CDH10: variants seen among roughly 807,000 people sequenced by gnomAD.
CDH10 encodes the protein cadherin 10, also known as cadherin-10.
Under a neutral mutation model 73.1 loss-of-function variants are expected in CDH10, and 30 were observed. The ratio of observed to expected loss-of-function variants is 0.41; its 90% CI spans 0.31 to 0.56. The LOEUF (loss-of-function observed/expected upper bound fraction) is 0.56. CDH10 is among the 20% of genes least tolerant of loss of function. The probability of loss-of-function intolerance (pLI) is 0.27; values close to 1 mark genes in which losing one functional copy is unlikely to be tolerated. For synonymous variants in CDH10, 345 were observed against 348.2 expected, an observed-to-expected ratio of 0.99 and a Z score of 0.10; for missense variants, 815 against 973.7, an observed-to-expected ratio of 0.84 and a Z score of 2.17.
intron 9 of CDH10, among the ~76,000 whole-genome samples, chr5:24,493,322 C>T (rs377433166): frequency 4.6e-5 from 7 of 151,548 alleles, no homozygotes; most frequent in Non-Finnish European, 8.8e-5. Flanking sequence ...GAAAAATGGT[C>T]GAGGAATGTA....
chr5:24,554,942 C>G (rs1264743748), intron 2 of CDH10, among the ~76,000 whole-genome samples: 1 of 151,906 alleles, frequency 6.6e-6, no homozygotes, highest in East Asian at 1.9e-4. Flanking sequence ...GCTTCTTGCT[C>G]TCTCTTTACA....
intron 5 of CDH10, among the ~76,000 whole-genome samples, chr5:24,517,419 A>T (rs1415895846): frequency 2.0e-5 from 3 of 152,150 alleles, no homozygotes; most frequent in African/African-American, 7.2e-5. Flanking sequence ...TGGGAATAGG[A>T]TTTCTTCTTG....
intron 1 of CDH10, among the ~76,000 whole-genome samples, chr5:24,603,745 G>C (rs1218715988): frequency 2.0e-5 from 3 of 151,724 alleles, no homozygotes; most frequent in Admixed American, 1.3e-4. Flanking sequence ...CGTTTCCCCC[G>C]TATATTCCGG....
intron 1 of CDH10, among the ~76,000 whole-genome samples, chr5:24,638,371 G>T (rs899674658): frequency 1.3e-5 from 2 of 151,578 alleles, no homozygotes; most frequent in Non-Finnish European, 3.0e-5. Context: ...AGCAAGAAGG[G>T]GGGGAAGTCA....
chr5:24,498,049 C>G (rs534229014), intron 9 of CDH10, among the ~76,000 whole-genome samples: 3 of 152,282 alleles, frequency 2.0e-5, no homozygotes, highest in South Asian at 4.1e-4. Context: ...TCTCATCTCT[C>G]TAGCAGGTAC....
At chr5:24,597,402 T>C (rs1012586671) in intron 1 of CDH10, among the ~76,000 whole-genome samples, 2 of 152,134 alleles carry the variant, frequency 1.3e-5, no homozygotes, top group Non-Finnish European at 2.9e-5. Context: ...TTTTTATAAC[T>C]TTTTCCTATT....
chr5:24,636,868 C>T (rs1446642919), intron 1 of CDH10, among the ~76,000 whole-genome samples: 1 of 151,850 alleles, frequency 6.6e-6, no homozygotes, highest in African/African-American at 2.4e-5. Flanking sequence ...AAGTGCACCA[C>T]GGATCACCAA....
At chr5:24,554,116 G>GAGAGAGAGAGAGA (rs1561159236) in intron 2 of CDH10, 8 of 26,346 alleles carry the variant, frequency 3.0e-4, no homozygotes, top group African/African-American at 5.3e-4. Flanking sequence ...GTGGGCGGGG[G>GAGAGAGAGAGAGA]GGGGAGAGAG....
intron 5 of CDH10, among the ~76,000 whole-genome samples, chr5:24,528,708 T>C (rs1472106970): frequency 6.6e-6 from 1 of 151,982 alleles, no homozygotes; most frequent in African/African-American, 2.4e-5. Flanking sequence ...AAGAATTCAG[T>C]GTGTCCTGCC....
chr5:24,598,088 T>A (rs939632108), intron 1 of CDH10, among the ~76,000 whole-genome samples: 1 of 151,812 alleles, frequency 6.6e-6, no homozygotes, highest in Non-Finnish European at 1.5e-5. Flanking sequence ...TAAAGGAAAA[T>A]TTTTCAGATG....
At chr5:24,556,242 G>A (rs1373342116) in intron 2 of CDH10, among the ~76,000 whole-genome samples, 1 of 151,998 alleles carries the variant, frequency 6.6e-6, no homozygotes, top group Non-Finnish European at 1.5e-5. Context: ...TTGATTTGAT[G>A]TATCATCAGG....
At chr5:24,531,813 A>C (rs888938330) in intron 5 of CDH10, among the ~76,000 whole-genome samples, 1 of 152,084 alleles carries the variant, frequency 6.6e-6, no homozygotes, top group East Asian at 1.9e-4. Flanking sequence ...ATCTCAATAA[A>C]TATTTTTATA....
chr5:24,523,453 T>C (rs562927674), intron 5 of CDH10, among the ~76,000 whole-genome samples: 3 of 151,970 alleles, frequency 2.0e-5, no homozygotes, highest in African/African-American at 4.8e-5. Flanking sequence ...CAGTTTATGA[T>C]AAAAAAATTA....
chr5:24,574,033 T>C (rs563959865), intron 2 of CDH10, among the ~76,000 whole-genome samples: 7 of 151,614 alleles, frequency 4.6e-5, no homozygotes, highest in Admixed American at 3.3e-4. Flanking sequence ...TACAGGCGCC[T>C]GCCACCACAC....
chr5:24,501,637 G>T (rs1742499038), intron 8 of CDH10, among the ~76,000 whole-genome samples: 1 of 152,134 alleles, frequency 6.6e-6, no homozygotes, highest in Non-Finnish European at 1.5e-5. Flanking sequence ...TCCAAAGAGA[G>T]AAATTTTAAA....
intron 8 of CDH10, among the ~76,000 whole-genome samples, chr5:24,498,722 G>A (rs1207082146): frequency 6.6e-6 from 1 of 152,106 alleles, no homozygotes; most frequent in Non-Finnish European, 1.5e-5. Context: ...TTGGGCACAA[G>A]GGTACTATTA....
At chr5:24,518,104 G>T (rs1374506482) in intron 5 of CDH10, among the ~76,000 whole-genome samples, 1 of 152,132 alleles carries the variant, frequency 6.6e-6, no homozygotes, top group East Asian at 1.9e-4. Context: ...ATTACTTGAG[G>T]GAGATTCTGT....
chr5:24,549,903 T>C (rs1744483483), intron 2 of CDH10, among the ~76,000 whole-genome samples: 1 of 152,106 alleles, frequency 6.6e-6, no homozygotes, highest in African/African-American at 2.4e-5. Context: ...AGTATAACAT[T>C]CTATATTGTA....
chr5:24,528,463 A>G (rs1370798527), intron 5 of CDH10, among the ~76,000 whole-genome samples: 2 of 151,916 alleles, frequency 1.3e-5, no homozygotes, highest in Non-Finnish European at 2.9e-5. Context: ...CTCTTGTACC[A>G]GGCAGGGATT....
Sources: allele counts gnomAD v4.1 joint callset (sites outside exome capture counted in the v4.1 genomes callset), GRCh38; gene constraint gnomAD v4.1.1; transcripts MANE v1.5; gene names NCBI Gene and HGNC (gene_info 2026-07-23, HGNC 2026-07-21).